The following SGCD variants were observed in gnomAD, a reference collection of about 807,000 sequenced individuals.
SGCD encodes the protein delta-sarcoglycan.
SGCD carries 18 observed loss-of-function variants against 36.6 expected under a neutral mutation model. The observed-to-expected ratio is 0.49, with a 90% CI of 0.34 to 0.73. The LOEUF is 0.73. Among genes scored for constraint, SGCD ranks in the 30% least tolerant of loss-of-function variants. The pLI, the probability that SGCD is intolerant of heterozygous loss-of-function variation, is 0.01. For missense variants in SGCD, 387 were observed against 346.7 expected (o/e 1.12, Z -0.92); for synonymous variants, 133 against 130.6 (o/e 1.02, Z -0.12).
chr5:156,168,712 A>G (rs559735175), intron 3 of SGCD, among the ~76,000 whole-genome samples: 1 of 152,344 alleles, frequency 6.6e-6, no homozygotes, highest in South Asian at 2.1e-4. Flanking sequence ...CACTCTCCCC[A>G]TTCAACAGAT....
At chr5:156,610,021 A>T in intron 6 of SGCD, among the ~76,000 whole-genome samples, 1 of 152,170 alleles carries the variant, frequency 6.6e-6, no homozygotes, top group African/African-American at 2.4e-5. Flanking sequence ...TAGTTTGATC[A>T]TCTGAAGCCT....
chr5:156,695,421 G>T (rs1293112348), intron 7 of SGCD, among the ~76,000 whole-genome samples: 3 of 152,024 alleles, frequency 2.0e-5, no homozygotes, highest in African/African-American at 7.2e-5. Context: ...GTCCTGCTGA[G>T]TTTGGACTTG....
At chr5:156,650,413 G>A (rs757627380) in intron 7 of SGCD, among the ~76,000 whole-genome samples, 1 of 152,038 alleles carries the variant, frequency 6.6e-6, no homozygotes, top group Non-Finnish European at 1.5e-5. Flanking sequence ...TGATGCTGAG[G>A]TTTGGAGTAC....
chr5:156,073,378 TG>T (rs1029070165), intron 1 of SGCD, among the ~76,000 whole-genome samples: 11 of 152,150 alleles, frequency 7.2e-5, no homozygotes, highest in Non-Finnish European at 4.4e-5. Context: ...GGCAACATAG[TG>T]AGACCTTGCC....
intron 3 of SGCD, among the ~76,000 whole-genome samples, chr5:156,269,335 T>C (rs770035571): frequency 6.6e-6 from 1 of 151,840 alleles, no homozygotes; most frequent in Non-Finnish European, 1.5e-5. Context: ...CCGGGCATGT[T>C]GGCGGGTGCC....
At chr5:156,218,904 A>G (rs1256945740) in intron 3 of SGCD, among the ~76,000 whole-genome samples, 1 of 152,122 alleles carries the variant, frequency 6.6e-6, no homozygotes, top group Non-Finnish European at 1.5e-5. Flanking sequence ...TCTCCATTCC[A>G]TAGGAGGCCT....
intron 3 of SGCD, among the ~76,000 whole-genome samples, chr5:156,441,264 G>A (rs1345924285): frequency 6.6e-6 from 1 of 152,116 alleles, no homozygotes. Context: ...CATAGACACA[G>A]CGTTGGAGGC....
At chr5:156,562,292 G>T (rs930123385) in intron 4 of SGCD, among the ~76,000 whole-genome samples, 1 of 152,174 alleles carries the variant, frequency 6.6e-6, no homozygotes, top group African/African-American at 2.4e-5. Context: ...TTTGGGGAAG[G>T]TTATAGAATG....
At chr5:156,186,863 A>G (rs1763773747) in intron 3 of SGCD, among the ~76,000 whole-genome samples, 1 of 152,224 alleles carries the variant, frequency 6.6e-6, no homozygotes, top group African/African-American at 2.4e-5. Flanking sequence ...AGTCAGCCAG[A>G]TAGCTCTGCC....
rs537311421 is a variant in SGCD at position 156,286,977 on chromosome 5, G to A, written c.-43-42557G>A. On this transcript the variant is annotated intron_variant, in intron 3 of 9. Transcript: ENST00000517913. ...TATTTATTGATCACTCTGTGTTAAT[G>A]GACAGATGCCGTTGTGAATAAGAGA... Among the ~76,000 whole-genome samples, 7 of 152,156 alleles carry A rather than the reference G, an allele frequency of 4.6e-5. No homozygotes were observed. The South Asian group carries it at 1.2e-3, about 27-fold the overall frequency.
chr5:156,364,622 T>C (rs1561646871), intron 3 of SGCD, among the ~76,000 whole-genome samples: 1 of 152,224 alleles, frequency 6.6e-6, no homozygotes. Context: ...ACACAGACTA[T>C]AGGAAGGTCA....
chr5:156,201,952 G>C (rs1764161004), intron 3 of SGCD, among the ~76,000 whole-genome samples: 1 of 152,156 alleles, frequency 6.6e-6, no homozygotes, highest in Admixed American at 6.5e-5. Flanking sequence ...CATCTGAGCA[G>C]CTCCCTGAGT....
intron 3 of SGCD, among the ~76,000 whole-genome samples, chr5:156,488,580 A>G (rs1304525190): frequency 1.3e-5 from 2 of 152,204 alleles, no homozygotes; most frequent in East Asian, 1.9e-4. Context: ...AAAGTAAAAG[A>G]GAAATATTTC....
At chr5:156,281,279 C>CA (rs1766446022) in intron 3 of SGCD, among the ~76,000 whole-genome samples, 1 of 151,902 alleles carries the variant, frequency 6.6e-6, no homozygotes, top group Non-Finnish European at 1.5e-5. Context: ...CATCCCCCCC[C>CA]AAAAAAGAAC....
intron 1 of SGCD, among the ~76,000 whole-genome samples, chr5:156,012,311 C>T (rs748203451): frequency 6.6e-6 from 1 of 152,104 alleles, no homozygotes; most frequent in Non-Finnish European, 1.5e-5. Context: ...TACATGCTTA[C>T]GTATTATTAC....
At chr5:156,639,822 T>A (rs1314977975) in intron 6 of SGCD, among the ~76,000 whole-genome samples, 2 of 152,070 alleles carry the variant, frequency 1.3e-5, no homozygotes, top group African/African-American at 4.8e-5. Flanking sequence ...GTCTTCTTTC[T>A]ACCTCTATTC....
chr5:156,099,775 C>T (rs1761475576), intron 1 of SGCD, among the ~76,000 whole-genome samples: 1 of 151,916 alleles, frequency 6.6e-6, no homozygotes, highest in South Asian at 2.1e-4. Context: ...TCAGTAAAAA[C>T]TTACAAGTAA....
chr5:156,701,951 T>G (rs568293273), intron 7 of SGCD, among the ~76,000 whole-genome samples: 1 of 152,176 alleles, frequency 6.6e-6, no homozygotes, highest in Admixed American at 6.5e-5. Flanking sequence ...AAAAATCAGA[T>G]AGGTAGACTC....
chr5:156,685,011 T>A (rs1489924062), intron 7 of SGCD, among the ~76,000 whole-genome samples: 1 of 152,100 alleles, frequency 6.6e-6, no homozygotes, highest in East Asian at 1.9e-4. Context: ...TACTCGCATT[T>A]AGGGAATAGA....
Sources: gnomAD v4.1 joint callset for allele counts (sites outside exome capture counted in the v4.1 genomes callset) on GRCh38, gnomAD v4.1.1 for gene constraint, MANE v1.5 for transcripts, NCBI Gene and HGNC (gene_info 2026-07-23, HGNC 2026-07-21) for gene names.